The following TMEM181 variants were observed in gnomAD, a reference collection of about 807,000 sequenced individuals.
TMEM181 encodes G protein-coupled receptor 178.
In TMEM181, 39 loss-of-function variants were observed where a neutral mutation model predicts 71.9. That is an observed-to-expected ratio of 0.54 (90% CI 0.42 to 0.71). The LOEUF is 0.71. TMEM181 is among the 30% of genes least tolerant of loss of function. The pLI is 0.00. For missense variants in TMEM181, 595 were observed against 583.0 expected (o/e 1.02, Z -0.21); for synonymous variants, 245 against 228.8 (o/e 1.07, Z -0.64).
At position 158,585,424 on chromosome 6, in the gene TMEM181, G is replaced by A. The variant is rs745471236; in HGVS notation, c.380G>A (p.Gly127Glu). The change falls in exon 5 of 17, where the codon GGG becomes GAG. Residue 127 changes from glycine (G) to glutamate (E), a missense_variant and splice_region_variant. Physicochemically the swap from Gly to Glu is moderately conservative, Grantham distance 98. Transcript: ENST00000684151. ...CGGACAAGGACCCTCACATGTGCAG[G>A]GGTGAGTGTGTGGGGTGAGCCCCAC... ...HNRTRTLTCA[G>E]KCAEIIVAHL... is the part of the protein sequence containing the mutation. The A allele has an allele frequency of 2.5e-6, 4 of 1,595,082 alleles. No individual in the cohort carries two copies. Among genetic ancestry groups the A allele is most frequent in the Non-Finnish European group, 1.7e-6 (2 of 1,172,832 alleles).
upstream of TMEM181, among the ~76,000 whole-genome samples, chr6:158,557,400 G>A (rs903251769): frequency 6.6e-6 from 1 of 152,088 alleles, no homozygotes; most frequent in Admixed American, 6.6e-5. Context: ...AGAAATGGCT[G>A]ATAGATCACA....
intron 1 of TMEM181, among the ~76,000 whole-genome samples, chr6:158,561,908 ATCC>A (rs1406028781): frequency 6.6e-6 from 1 of 152,156 alleles, no homozygotes; most frequent in Non-Finnish European, 1.5e-5. Context: ...AGCAGATAAA[ATCC>A]TCCTAAAAAA....
At chr6:158,596,895 TC>T (rs1784415569) in intron 6 of TMEM181, among the ~76,000 whole-genome samples, 1 of 152,112 alleles carries the variant, frequency 6.6e-6, no homozygotes, top group Non-Finnish European at 1.5e-5. Flanking sequence ...CTCCCCCGGG[TC>T]CCTCCCACAA....
chr6:158,587,666 A>G lies in TMEM181; in HGVS notation c.382-2006A>G, dbSNP rs925399799. On this transcript the variant is annotated intron_variant, in intron 5 of 16. Transcript: ENST00000684151. ...TTTTTTTCTACTGTAAAGAAAAGCC[A>G]TTGTCTGACTTAGGTAGCAAGGCTT... Among the ~76,000 whole-genome samples, 131 of 146,710 alleles carry G rather than the reference A, an allele frequency of 8.9e-4. 2 individuals carry two copies. Among genetic ancestry groups the G allele is most frequent in the Non-Finnish European group, 3.4e-4 (23 of 66,710 alleles).
chr6:158,557,939 C>T (rs557109283), upstream of TMEM181, among the ~76,000 whole-genome samples: 2 of 152,318 alleles, frequency 1.3e-5, no homozygotes, highest in East Asian at 3.9e-4. Context: ...ACACACTGCT[C>T]CATTAATGTT....
rs1177608035 is a variant in TMEM181 at position 158,573,427 on chromosome 6, C to T, written c.16C>T (p.Pro6Ser). Residue 6 changes from proline (P) to serine (S), a missense_variant, in exon 2 of 17, where the codon CCC becomes TCC. Coordinates refer to ENST00000684151, the MANE Select transcript of TMEM181 (RefSeq NM_001376852.1). MEPLA[P>S]MRLYTLSKRH... Reference sequence around the variant, plus strand: ...GCTGGCTTCTGCCCCCAGGCTGGCGCCCATGCGGCTCTACACGCTCTCCAA... The same window carrying T: ...GCTGGCTTCTGCCCCCAGGCTGGCGTCCATGCGGCTCTACACGCTCTCCAA... The T allele has an allele frequency of 7.0e-6, 11 of 1,579,438 alleles. No individual in the cohort carries two copies. Among genetic ancestry groups the T allele is most frequent in the Non-Finnish European group, 9.4e-6 (11 of 1,164,552 alleles).
chr6:158,560,777 T>A (rs73012185), intron 1 of TMEM181, among the ~76,000 whole-genome samples: 22,432 of 151,520 alleles, frequency 0.15, 1,755 homozygotes, highest in Middle Eastern at 0.23. Context: ...TGTCGAGTTA[T>A]ATGAGTTTTA....
chr6:158,582,918 T>G lies in TMEM181; in HGVS notation c.169-1036T>G, dbSNP rs573297609. Reference sequence around the variant, plus strand: ...AAAATAGCAGACGTCAAAGAGCAATTTGCCTGGCATATGGATACTTCAGAA... The same window carrying G: ...AAAATAGCAGACGTCAAAGAGCAATGTGCCTGGCATATGGATACTTCAGAA... On this transcript the variant is annotated intron_variant, in intron 3 of 16. Transcript: ENST00000684151. 2.0e-5 allele frequency among the ~76,000 whole-genome samples: 3 copies of G among 152,292 alleles called. No individual in the cohort carries two copies. The East Asian group carries it at 5.8e-4, about 29-fold the overall frequency.
intron 6 of TMEM181, among the ~76,000 whole-genome samples, chr6:158,599,568 C>T (rs750449105): frequency 2.3e-4 from 35 of 152,202 alleles, no homozygotes; most frequent in African/African-American, 4.8e-4. Context: ...TAAAAATAAA[C>T]ACAGAACAAA....
At chr6:158,560,077 C>A (rs1382028712), upstream of TMEM181, 2 of 985,040 alleles carry the variant, frequency 2.0e-6, no homozygotes, top group East Asian at 2.3e-4. Context: ...GTGATCTCGG[C>A]GTCGCGCTCT....
intron 6 of TMEM181, among the ~76,000 whole-genome samples, chr6:158,600,720 C>T (rs1373025196): frequency 6.6e-6 from 1 of 152,148 alleles, no homozygotes. Context: ...ATCTGCCCAC[C>T]TCAGCCTTCC....
intron 1 of TMEM181, chr6:158,572,610 TC>T (rs1782926972): frequency 2.6e-6 from 1 of 383,102 alleles, no homozygotes; most frequent in Middle Eastern, 8.6e-4. Flanking sequence ...AGACCGGTGT[TC>T]CCAAAGCCTC....
Position 158,585,308 on chromosome 6 carries a change from T to G in TMEM181, c.264T>G (p.Thr88=), listed in dbSNP as rs767822713. The change falls in exon 5 of 17, where the codon ACT becomes ACG. Residue 88 remains threonine (T), a synonymous_variant. Coordinates refer to ENST00000684151, the MANE Select transcript of TMEM181 (RefSeq NM_001376852.1). ...CVVELDQSKE[T]SIKTSFPMTV... ...CTGAATTTTTTTCTTTTGTAGAAAC[T>G]TCTATTAAGACAAGCTTTCCCATGA... The G allele has an allele frequency of 6.2e-6, 10 of 1,600,382 alleles. No individual in the cohort carries two copies. In the South Asian group the frequency reaches 1.0e-4, roughly 16 times the overall value.
intron 1 of TMEM181, among the ~76,000 whole-genome samples, chr6:158,537,226 G>A (rs1781152091): frequency 6.6e-6 from 1 of 151,860 alleles, no homozygotes; most frequent in South Asian, 2.1e-4. Context: ...CCCCGCGCCC[G>A]CCTCGCCGCC....
chr6:158,559,089 C>T (rs1468346018), upstream of TMEM181, among the ~76,000 whole-genome samples: 1 of 152,040 alleles, frequency 6.6e-6, no homozygotes, highest in Admixed American at 6.6e-5. Flanking sequence ...TTAGGGTGTG[C>T]TTTGCTTGGT....
chr6:158,605,390 G>A, intron 7 of TMEM181, 43 bp downstream of exon 7: 1 of 1,574,180 alleles, frequency 6.4e-7, no homozygotes, highest in Non-Finnish European at 8.7e-7. Context: ...ATCCCAGCCA[G>A]GAAGAAGCTG....
At chr6:158,541,827 C>T (rs1255673468) in intron 1 of TMEM181, among the ~76,000 whole-genome samples, 1 of 107,248 alleles carries the variant, frequency 9.3e-6, no homozygotes, top group East Asian at 3.1e-4. Context: ...TATTGACTGA[C>T]AACTCTGTCT....
At chr6:158,550,966 C>T (rs1370988692) in intron 1 of TMEM181, among the ~76,000 whole-genome samples, 2 of 132,954 alleles carry the variant, frequency 1.5e-5, no homozygotes, top group Non-Finnish European at 3.1e-5. Context: ...TTATCAATTC[C>T]TTTTTTTTTT....
At chr6:158,598,478 C>T (rs776154786) in intron 6 of TMEM181, among the ~76,000 whole-genome samples, 1 of 152,040 alleles carries the variant, frequency 6.6e-6, no homozygotes, top group Non-Finnish European at 1.5e-5. Flanking sequence ...GAGAGGAGTG[C>T]GCCTGGCCAT....
Sources: gnomAD v4.1 joint callset for allele counts (sites outside exome capture counted in the v4.1 genomes callset) on GRCh38, gnomAD v4.1.1 for gene constraint, MANE v1.5 for transcripts, NCBI Gene and HGNC (gene_info 2026-07-23, HGNC 2026-07-21) for gene names.